ASH1L: variants seen among roughly 807,000 people sequenced by gnomAD.
The protein encoded by ASH1L is ASH1 like histone lysine methyltransferase, also known as histone-lysine N-methyltransferase ASH1L.
ASH1L carries 23 observed loss-of-function variants against 269.0 expected under a neutral mutation model. The ratio of observed to expected loss-of-function variants is 0.09; its 90% CI spans 0.06 to 0.12. ASH1L has a LOEUF of 0.12. ASH1L is among the 10% of genes least tolerant of loss of function. ASH1L has a pLI of 1.00. For synonymous variants in ASH1L, 1,187 were observed against 1,253.5 expected (o/e 0.95, Z 1.12); for missense variants, 2,912 against 3,567.8 (o/e 0.82, Z 4.68).
At chr1:155,342,981 G>A (rs1227042246) in intron 24 of ASH1L, 1 of 189,810 alleles carries the variant, frequency 5.3e-6, no homozygotes, top group East Asian at 1.3e-4. Flanking sequence ...AGAATGGGGT[G>A]GGCAATGAAC....
At chr1:155,560,313 T>C (rs1671874853) in intron 1 of ASH1L, among the ~76,000 whole-genome samples, 1 of 152,214 alleles carries the variant, frequency 6.6e-6, no homozygotes, top group Admixed American at 6.5e-5. Flanking sequence ...CAAAAAATTT[T>C]AAGAACCACT....
rs755061874 is a variant in ASH1L at position 155,482,339 on chromosome 1, C to T, written c.531G>A (p.Lys177=). The T allele has an allele frequency of 1.2e-6, 2 of 1,614,136 alleles. No homozygotes were observed. Among genetic ancestry groups the T allele is most frequent in the South Asian group, 2.2e-5 (2 of 91,080 alleles). ...SQGENNPLSK[K]LSPVHSEMAD... ...CCATTTCTGAGTGTACTGGAGACAG[C>T]TTCTTAGACAAAGGATTGTTTTCTC... Residue 177 remains lysine (K), a synonymous_variant, in exon 3 of 28, where the codon AAG becomes AAA. Coordinates refer to ENST00000392403, the MANE Select transcript of ASH1L (RefSeq NM_018489.3).
intron 5 of ASH1L, among the ~76,000 whole-genome samples, chr1:155,420,900 T>C (rs981978319): frequency 3.3e-5 from 5 of 150,062 alleles, no homozygotes; most frequent in Non-Finnish European, 7.4e-5. Flanking sequence ...TAACATACCA[T>C]GTCCATGGAT....
chr1:155,430,706 CTTATT>C (rs1363035998), intron 5 of ASH1L, among the ~76,000 whole-genome samples: 7 of 152,078 alleles, frequency 4.6e-5, no homozygotes, highest in Admixed American at 2.6e-4. Context: ...ATACATTTGC[CTTATT>C]TTATTAACTT....
At chr1:155,363,045 G>A (rs187858705) in intron 12 of ASH1L, among the ~76,000 whole-genome samples, 5 of 151,622 alleles carry the variant, frequency 3.3e-5, no homozygotes, top group Non-Finnish European at 7.4e-5. Flanking sequence ...GTGTAATGGC[G>A]GGAACTTGGC....
chr1:155,431,036 A>G (rs1388875785), intron 5 of ASH1L, among the ~76,000 whole-genome samples: 1 of 151,684 alleles, frequency 6.6e-6, no homozygotes, highest in Non-Finnish European at 1.5e-5. Context: ...ATATGGTGAA[A>G]CCCTGTCTCT....
chr1:155,495,843 C>G (rs369771936), intron 2 of ASH1L, among the ~76,000 whole-genome samples: 1 of 152,050 alleles, frequency 6.6e-6, no homozygotes, highest in South Asian at 2.1e-4. Flanking sequence ...ACTAAAAATA[C>G]AAAAATTAGC....
At chr1:155,373,676 T>A (rs942759756) in intron 10 of ASH1L, among the ~76,000 whole-genome samples, 9 of 152,136 alleles carry the variant, frequency 5.9e-5, no homozygotes, top group Admixed American at 3.9e-4. Flanking sequence ...TTTTTTGGTT[T>A]GTTTTTTGGA....
intron 5 of ASH1L, chr1:155,433,552 G>A: frequency 2.5e-6 from 4 of 1,610,622 alleles, no homozygotes; most frequent in South Asian, 1.1e-5. Context: ...CCGTGAAACT[G>A]GAGAAGGAGA....
At chr1:155,453,104 C>T (rs12094250) in intron 4 of ASH1L, among the ~76,000 whole-genome samples, 15 of 152,154 alleles carry the variant, frequency 9.9e-5, no homozygotes, top group African/African-American at 3.6e-4. Flanking sequence ...CCTGAAATCC[C>T]AGCACTTTGG....
At chr1:155,559,986 A>G (rs533662757) in intron 1 of ASH1L, among the ~76,000 whole-genome samples, 1 of 152,184 alleles carries the variant, frequency 6.6e-6, no homozygotes, top group Non-Finnish European at 1.5e-5. Flanking sequence ...CTTATCACCA[A>G]ATTCAGAGTC....
intron 1 of ASH1L, among the ~76,000 whole-genome samples, chr1:155,524,463 A>C (rs939169508): frequency 6.6e-6 from 1 of 150,616 alleles, no homozygotes. Context: ...CAGAGCTTGC[A>C]GTGAGCCGAG....
At chr1:155,369,221 ATC>A (rs1558037804) in intron 12 of ASH1L, among the ~76,000 whole-genome samples, 8 of 152,122 alleles carry the variant, frequency 5.3e-5, no homozygotes, top group Non-Finnish European at 1.2e-4. Context: ...AGGCGGGCGG[ATC>A]ACAAGGTCAG....
At chr1:155,366,449 C>T (rs533480914) in intron 12 of ASH1L, among the ~76,000 whole-genome samples, 1 of 152,056 alleles carries the variant, frequency 6.6e-6, no homozygotes, top group Non-Finnish European at 1.5e-5. Context: ...TATGGAATAG[C>T]CTTTCTTTTC....
chr1:155,542,054 C>T (rs1670456164), intron 1 of ASH1L, among the ~76,000 whole-genome samples: 1 of 152,076 alleles, frequency 6.6e-6, no homozygotes, highest in Non-Finnish European at 1.5e-5. Flanking sequence ...CCTTACTTAG[C>T]TTACCTGAAT....
chr1:155,481,911 T>C lies in ASH1L; in HGVS notation c.959A>G (p.Asn320Ser), dbSNP rs1216342133. ...GATAGTTCCTGGCTTTTTGCCTAAG[T>C]TTTTATTAATGAATACCGCTGTAGT... is the stretch of plus-strand genomic sequence containing the variant. Reference protein sequence around the residue: ...TGTTAVFINKNLGKKPGTITT... With the variant: ...TGTTAVFINKSLGKKPGTITT... The change falls in exon 3 of 28, where the codon AAC becomes AGC. Residue 320 changes from asparagine (N) to serine (S), a missense_variant. Asn to Ser is a conservative substitution (Grantham distance 46). Around this residue, in one of 13 missense-constraint regions of ASH1L, gnomAD observed 277 missense variants for 367.7 expected, o/e 0.75. Transcript: ENST00000392403. 3.7e-6 allele frequency: 6 copies of C among 1,614,096 alleles called. No homozygotes were observed. Among genetic ancestry groups the C allele is most frequent in the Non-Finnish European group, 5.1e-6 (6 of 1,180,044 alleles).
rs377320289 is a variant in ASH1L at position 155,479,109 on chromosome 1, C to G, written c.3761G>C (p.Arg1254Pro). The change falls in exon 3 of 28, where the codon CGC (arginine) becomes CCC (proline). Residue 1254 changes from arginine to proline, a missense_variant. Arg to Pro is a moderately radical substitution (Grantham distance 103). Transcript: ENST00000392403. ...ATAGCTGAGGTAATCATGATTCCTGCGCTTACATTTGTGTTTATGTTTTTC... is the reference window on the plus strand; with the variant it reads ...ATAGCTGAGGTAATCATGATTCCTGGGCTTACATTTGTGTTTATGTTTTTC... ...LKEKHKHKCK[R>P]RNHDYLSYDK... 1 of 1,613,946 alleles carries G rather than the reference C, an allele frequency of 6.2e-7. No homozygotes were observed. The highest frequency in any genetic ancestry group is 8.5e-7 in the Non-Finnish European group (1 of 1,180,000).
At chr1:155,444,157 T>G (rs7349067) in intron 4 of ASH1L, among the ~76,000 whole-genome samples, 1 of 151,830 alleles carries the variant, frequency 6.6e-6, no homozygotes, top group Non-Finnish European at 1.5e-5. Flanking sequence ...CTAATTTTTG[T>G]TTTTAGTAGA....
intron 2 of ASH1L, among the ~76,000 whole-genome samples, chr1:155,504,866 A>AG (rs1464368440): frequency 6.6e-6 from 1 of 151,998 alleles, no homozygotes; most frequent in African/African-American, 2.4e-5. Context: ...AAAAAAAAAA[A>AG]AAAAAGATTT....
Sources: allele counts gnomAD v4.1 joint callset (sites outside exome capture counted in the v4.1 genomes callset), GRCh38; gene constraint gnomAD v4.1.1; regional missense constraint gnomAD v4.1.1; transcripts MANE v1.5; gene names NCBI Gene and HGNC (gene_info 2026-07-23, HGNC 2026-07-21).